The following SPAG16 variants were observed in gnomAD, a reference collection of about 807,000 sequenced individuals.
SPAG16 encodes sperm-associated antigen 16 protein.
In SPAG16, 86 loss-of-function variants were observed where a neutral mutation model predicts 80.4. The ratio of observed to expected loss-of-function variants is 1.07; its 90% CI spans 0.90 to 1.28. The LOEUF is 1.28. SPAG16 is among the 50% of genes most tolerant of loss of function. SPAG16 has a pLI of 0.00. For synonymous variants in SPAG16, 294 were observed against 265.9 expected, an observed-to-expected ratio of 1.11 and a Z score of -1.03; for missense variants, 870 against 765.3, an observed-to-expected ratio of 1.14 and a Z score of -1.61.
At chr2:213,626,158 T>C (rs972660868) in intron 10 of SPAG16, among the ~76,000 whole-genome samples, 1 of 152,074 alleles carries the variant, frequency 6.6e-6, no homozygotes, top group Non-Finnish European at 1.5e-5. Context: ...TACAAAAAAG[T>C]GTGTTTGGAA....
intron 10 of SPAG16, among the ~76,000 whole-genome samples, chr2:213,567,555 T>C (rs1363307662): frequency 0.017 from 1,543 of 93,134 alleles, no homozygotes; most frequent in East Asian, 0.031. Context: ...CTACAAAGGA[T>C]ATGAACTCAT....
intron 9 of SPAG16, among the ~76,000 whole-genome samples, chr2:213,458,977 A>T (rs2072201018): frequency 6.6e-6 from 1 of 152,198 alleles, no homozygotes; most frequent in African/African-American, 2.4e-5. Context: ...GAAAATTCTC[A>T]GCCATTATCT....
intron 12 of SPAG16, among the ~76,000 whole-genome samples, chr2:213,968,795 TA>T (rs1282608773): frequency 6.6e-6 from 1 of 152,240 alleles, no homozygotes; most frequent in Non-Finnish European, 1.5e-5. Flanking sequence ...ATCACCTTGA[TA>T]AAAACATGAA....
intron 14 of SPAG16, among the ~76,000 whole-genome samples, chr2:214,111,574 A>G (rs1034784550): frequency 1.3e-5 from 2 of 152,176 alleles, no homozygotes; most frequent in African/African-American, 2.4e-5. Flanking sequence ...TGATGCCTCC[A>G]GCTTTGTTCT....
At chr2:214,354,101 CATAA>C (rs1428602668) in intron 15 of SPAG16, among the ~76,000 whole-genome samples, 1 of 73,370 alleles carries the variant, frequency 1.4e-5, no homozygotes. Context: ...ATATGTACCC[CATAA>C]ATATATATAC....
intron 12 of SPAG16, among the ~76,000 whole-genome samples, chr2:213,947,537 T>A (rs1324666719): frequency 6.6e-6 from 1 of 152,176 alleles, no homozygotes; most frequent in Admixed American, 6.5e-5. Context: ...TTGAGTTGTT[T>A]GTTTTCTTAA....
chr2:213,481,404 CAATT>C (rs138761845), intron 9 of SPAG16, among the ~76,000 whole-genome samples: 2,138 of 152,228 alleles, frequency 0.014, 41 homozygotes, highest in African/African-American at 0.047. Context: ...TGTCATCTTT[CAATT>C]AATTGCTTAC....
chr2:214,013,221 A>G (rs959842353), intron 12 of SPAG16, among the ~76,000 whole-genome samples: 4 of 147,842 alleles, frequency 2.7e-5, no homozygotes, highest in Non-Finnish European at 6.0e-5. Flanking sequence ...TCGGTGCATT[A>G]ATAATTGTAC....
At chr2:213,444,349 C>G (rs2071169159) in intron 9 of SPAG16, among the ~76,000 whole-genome samples, 1 of 152,104 alleles carries the variant, frequency 6.6e-6, no homozygotes, top group Non-Finnish European at 1.5e-5. Context: ...GATATTTTAT[C>G]AGTTTCCCAG....
intron 7 of SPAG16, 145 bp from the exon 8 acceptor site, chr2:213,363,931 T>C: frequency 3.2e-6 from 1 of 316,884 alleles, no homozygotes; most frequent in Non-Finnish European, 5.9e-6. Context: ...TTTGTTAAAA[T>C]TTATGTTTTA....
rs143466008 is a variant in SPAG16 at position 214,369,266 on chromosome 2, A to AACTT, written c.1721-40872_1721-40869dup. Among the ~76,000 whole-genome samples the AACTT allele has an allele frequency of 8.7e-3, 1,320 of 152,212 alleles. 22 individuals carry two copies. Among genetic ancestry groups the AACTT allele is most frequent in the African/African-American group, 0.03 (1,249 of 41,542 alleles). On this transcript the variant is annotated intron_variant, in intron 15 of 15. Coordinates refer to ENST00000331683, the MANE Select transcript of SPAG16 (RefSeq NM_024532.5). ...TCACCTTGTATCAAAGTACTGTCTC[A>AACTT]ACTTAAAGACTGTATATGAAGAAAA... is the stretch of plus-strand genomic sequence containing the variant.
At chr2:213,716,771 A>T (rs561942042) in intron 10 of SPAG16, among the ~76,000 whole-genome samples, 2 of 152,324 alleles carry the variant, frequency 1.3e-5, no homozygotes, top group African/African-American at 4.8e-5. Flanking sequence ...TGTAATTTTT[A>T]AAATTCTATT....
At chr2:214,167,590 C>T (rs960865551) in intron 15 of SPAG16, among the ~76,000 whole-genome samples, 1 of 152,026 alleles carries the variant, frequency 6.6e-6, no homozygotes, top group South Asian at 2.1e-4. Context: ...ATTTAGATCC[C>T]TTCTATATGC....
At chr2:214,250,945 TA>T (rs915438256) in intron 15 of SPAG16, among the ~76,000 whole-genome samples, 3 of 151,324 alleles carry the variant, frequency 2.0e-5, no homozygotes, top group African/African-American at 7.3e-5. Flanking sequence ...TACATCATAT[TA>T]AAAAAATAGA....
intron 6 of SPAG16, among the ~76,000 whole-genome samples, chr2:213,344,952 C>T (rs1033086680): frequency 1.3e-4 from 20 of 152,184 alleles, no homozygotes; most frequent in Admixed American, 8.5e-4. Context: ...TGAGGAATCA[C>T]CACACTGACT....
chr2:214,324,919 G>A (rs1407483500), intron 15 of SPAG16, among the ~76,000 whole-genome samples: 1 of 152,184 alleles, frequency 6.6e-6, no homozygotes, highest in Non-Finnish European at 1.5e-5. Flanking sequence ...GTGACATACA[G>A]TTGCACACAG....
In SPAG16 at chr2:213,290,945, T is replaced by C. The variant is rs1188090534; in HGVS notation, c.137-5119T>C. Among the ~76,000 whole-genome samples the C allele has an allele frequency of 2.0e-5, 3 of 152,346 alleles. No individual in the cohort carries two copies. In the East Asian group the frequency reaches 5.8e-4, roughly 29 times the overall value. On this transcript the variant is annotated intron_variant, in intron 1 of 15. Coordinates refer to ENST00000331683, the MANE Select transcript of SPAG16 (RefSeq NM_024532.5). Reference sequence around the variant, plus strand: ...GCCAAGGGGATTGATATCTCTACACTGCACTATTCTTTTTATGAGAACCCA... The same window carrying C: ...GCCAAGGGGATTGATATCTCTACACCGCACTATTCTTTTTATGAGAACCCA...
intron 11 of SPAG16, among the ~76,000 whole-genome samples, chr2:213,869,453 G>A (rs927694421): frequency 4.0e-5 from 6 of 151,306 alleles, no homozygotes; most frequent in Non-Finnish European, 8.8e-5. Flanking sequence ...CTGAGCTGCA[G>A]AAGTAGCTGT....
intron 15 of SPAG16, among the ~76,000 whole-genome samples, chr2:214,373,945 T>A (rs1055905166): frequency 2.0e-5 from 3 of 152,202 alleles, no homozygotes; most frequent in Non-Finnish European, 4.4e-5. Context: ...TCCAGGGATA[T>A]GGAGGCAAGT....
Sources: gnomAD v4.1 joint callset for allele counts (sites outside exome capture counted in the v4.1 genomes callset) on GRCh38, gnomAD v4.1.1 for gene constraint, MANE v1.5 for transcripts, NCBI Gene and HGNC (gene_info 2026-07-23, HGNC 2026-07-21) for gene names.